Variants in TNXB observed in about 807,000 individuals in gnomAD.
TNXB encodes the protein tenascin XB, also known as tenascin-X.
TNXB carries 183 observed loss-of-function variants against 340.5 expected under a neutral mutation model. That is an observed-to-expected ratio of 0.54 (90% CI 0.48 to 0.61). TNXB has a LOEUF of 0.61. Among genes scored for constraint, TNXB ranks in the 20% least tolerant of loss-of-function variants. The pLI, the probability that TNXB is intolerant of heterozygous loss-of-function variation, is 0.00. For missense variants in TNXB, 4,613 were observed against 5,446.4 expected, an observed-to-expected ratio of 0.85 and a Z score of 4.82; for synonymous variants, 2,121 against 2,314.5, an observed-to-expected ratio of 0.92 and a Z score of 2.40.
intron 1 of TNXB, among the ~76,000 whole-genome samples, chr6:32,107,261 T>A (rs1781029041): frequency 6.6e-6 from 1 of 152,046 alleles, no homozygotes. Flanking sequence ...CCCTGCACAG[T>A]GGGGGAAAGC....
rs368726550 is a variant in TNXB, at chr6:32,096,233, A to G, written c.1620T>C (p.Asp540=). 3.2e-6 allele frequency: 5 copies of G among 1,569,172 alleles called. No homozygotes were observed. In the Middle Eastern group the frequency reaches 5.0e-4, roughly 156 times the overall value. ...AGCCTGCGTCACACACGCACACGCC[A>G]TCCTCGCAAAGGCCGTGCCCACGGC... ...GDCRGHGLCE[D]GVCVCDAGYS... is the part of the protein sequence containing the mutation. Residue 540 remains aspartate (D), a synonymous_variant, in exon 3 of 44, where the codon GAT becomes GAC. Transcript: ENST00000644971.
chr6:32,066,882 C>A (rs1240396270), intron 18 of TNXB, among the ~76,000 whole-genome samples: 1 of 152,052 alleles, frequency 6.6e-6, no homozygotes, highest in African/African-American at 2.4e-5. Context: ...CTGGCCTGGG[C>A]AACATGGCTA....
chr6:32,081,911 TG>T lies in TNXB; in HGVS notation c.3736+124del. Reference sequence around the variant, plus strand: ...GGGGAGTCTGGCTGCCCCTCAGCCCTGGAGTGGGGCCGGGAAGCTGGAGTCA... The same window carrying T: ...GGGGAGTCTGGCTGCCCCTCAGCCCTGAGTGGGGCCGGGAAGCTGGAGTCA... On this transcript the variant is annotated intron_variant, in intron 9 of 43. Transcript: ENST00000644971. The surrounding 1 kb of genome is among the most constrained non-coding windows in gnomAD (Gnocchi z 5.1). 1.0e-6 allele frequency: 1 copy of T among 989,902 alleles called. No individual in the cohort carries two copies. Among genetic ancestry groups the T allele is most frequent in the Non-Finnish European group, 1.5e-6 (1 of 672,748 alleles). 61.3% of individuals were successfully genotyped at this position (989,902 alleles called of 1,614,324 possible). A position where few individuals can be genotyped will look rare whatever the true frequency, so the allele number is the denominator to read the frequency against.
chr6:32,069,868 TG>T lies in TNXB; in HGVS notation c.5279-8del. 6.3e-7 allele frequency: 1 copy of T among 1,579,686 alleles called. No homozygotes were observed. The highest frequency in any genetic ancestry group is 1.4e-5 in the African/African-American group (1 of 73,926). On this transcript the variant is annotated splice_polypyrimidine_tract_variant and splice_region_variant and intron_variant, in intron 14 of 43. Coordinates refer to ENST00000644971, the MANE Select transcript of TNXB (RefSeq NM_001365276.2). The surrounding 1 kb of genome is among the most constrained non-coding windows in gnomAD (Gnocchi z 6.2). ...TCCATAGCACTCCGGGCTTCTGAGA[TG>T]GAGACACGGAGAGGAAACGGCTGAG...
chr6:32,084,759 T>C lies in TNXB; in HGVS notation c.3149-50A>G, dbSNP rs750555307. 4 of 1,462,620 alleles carry C rather than the reference T, an allele frequency of 2.7e-6. No homozygotes were observed. Among genetic ancestry groups the C allele is most frequent in the Non-Finnish European group, 3.6e-6 (4 of 1,098,048 alleles). 90.6% of individuals were successfully genotyped at this position (1,462,620 alleles called of 1,614,324 possible). A position where few individuals can be genotyped will look rare whatever the true frequency, so the allele number is the denominator to read the frequency against. On this transcript the variant is annotated intron_variant, in intron 7 of 43. Coordinates refer to ENST00000644971, the MANE Select transcript of TNXB (RefSeq NM_001365276.2). This position sits in a 1 kb window ranked among gnomAD's most constrained non-coding sequence, Gnocchi z 5.5. Reference sequence around the variant, plus strand: ...AGCATAGTGGACTCAACCGTTCTCTTGTCTGTGTCTCCTTCCCTCTCCCCT... The same window carrying C: ...AGCATAGTGGACTCAACCGTTCTCTCGTCTGTGTCTCCTTCCCTCTCCCCT...
chr6:32,095,556 C>T, intron 3 of TNXB, 55 bp downstream of exon 3: 3 of 1,565,974 alleles, frequency 1.9e-6, no homozygotes, highest in Non-Finnish European at 2.6e-6. Context: ...TTCCCCATGG[C>T]TCCTGTTCAC....
Position 32,070,946 on chromosome 6 carries a change from C to T in TNXB, c.4991-532G>A, listed in dbSNP as rs1225151173. Among the ~76,000 whole-genome samples, 5 of 152,206 alleles carry T rather than the reference C, an allele frequency of 3.3e-5. No homozygotes were observed. The highest frequency in any genetic ancestry group is 1.2e-4 in the African/African-American group (5 of 41,462). The stretch of plus-strand genomic sequence containing the variant: ...ACCGGCTGGCCCGGGAGAACTAAGG[C>T]TCCCACTGGGCCTGGTGAAGGAGCG... On this transcript the variant is annotated intron_variant, in intron 13 of 43. Transcript: ENST00000644971. This position sits in a 1 kb window ranked among gnomAD's most constrained non-coding sequence, Gnocchi z 6.0.
intron 3 of TNXB, 121 bp from the exon 4 acceptor site, chr6:32,095,312 G>A (rs1215415652): frequency 2.5e-6 from 2 of 789,280 alleles, no homozygotes; most frequent in Non-Finnish European, 4.1e-6. Flanking sequence ...CTCTGCTAGT[G>A]GAGAATAGCT....
intron 43 of TNXB, 32 bp from the exon 44 acceptor site, chr6:32,041,482 G>T: frequency 1.7e-6 from 2 of 1,144,316 alleles, no homozygotes; most frequent in Non-Finnish European, 2.6e-6. Context: ...GAGAGTCAAA[G>T]CCGGATGTCC....
Position 32,068,569 on chromosome 6 carries a change from A to G in TNXB, c.6041T>C (p.Phe2014Ser). 2 of 1,613,986 alleles carry G rather than the reference A, an allele frequency of 1.2e-6. No individual in the cohort carries two copies. The highest frequency in any genetic ancestry group is 1.7e-6 in the Non-Finnish European group (2 of 1,179,904). ...SLSWTVPEGQFDHFLVQYRNG... is the reference protein window; with the variant it reads ...SLSWTVPEGQSDHFLVQYRNG... ...CCTGTACTGGACCAGGAAGTGGTCA[A>G]ACTGTCCCTCGGGAACTGTCCAGGA... The change falls in exon 17 of 44, where the codon TTT (phenylalanine) becomes TCT (serine). Residue 2014 changes from phenylalanine (F) to serine (S), a missense_variant. Around this residue, in one of 7 missense-constraint regions of TNXB, gnomAD observed 4,327 missense variants for 4,859.4 expected, o/e 0.89. Coordinates refer to ENST00000644971, the MANE Select transcript of TNXB (RefSeq NM_001365276.2). This position sits in a 1 kb window ranked among gnomAD's most constrained non-coding sequence, Gnocchi z 5.3.
rs1254412805 is a variant in TNXB, at chr6:32,046,136, C to G, written c.10606+39G>C. ...CAGCCCAAATGCACAAGGAAACCCA[C>G]ACAAGCTGGCTTGCTATAGCCAGGC... On this transcript the variant is annotated intron_variant, in intron 31 of 43. Transcript: ENST00000644971. This position sits in a 1 kb window ranked among gnomAD's most constrained non-coding sequence, Gnocchi z 6.9. 6.4e-7 allele frequency: 1 copy of G among 1,559,928 alleles called. No homozygotes were observed. Among genetic ancestry groups the G allele is most frequent in the Non-Finnish European group, 8.7e-7 (1 of 1,148,248 alleles).
rs528975706 is a variant in TNXB at position 32,103,108 on chromosome 6, T to C, written c.-8-4902A>G. Among the ~76,000 whole-genome samples the C allele has an allele frequency of 1.6e-4, 25 of 151,970 alleles. No homozygotes were observed. The East Asian group carries it at 3.3e-3, about 20-fold the overall frequency. On this transcript the variant is annotated intron_variant, in intron 1 of 43. Transcript: ENST00000644971. ...CTCATTGAGCTGCACACTTAAGACTTTGGCATTTTGCTGTATAAAAATTGA... is the reference window on the plus strand; with the variant it reads ...CTCATTGAGCTGCACACTTAAGACTCTGGCATTTTGCTGTATAAAAATTGA...
Position 32,086,129 on chromosome 6 carries a change from G to T in TNXB, c.2780-11C>A, listed in dbSNP as rs1288734664. On this transcript the variant is annotated splice_polypyrimidine_tract_variant and intron_variant, in intron 6 of 43. Transcript: ENST00000644971. ...CCAAGGGTGAGGACCCTGGGAAGGGGCAGGGTGAGAAAAAGAGGAGAGTCC... is the reference window on the plus strand; with the variant it reads ...CCAAGGGTGAGGACCCTGGGAAGGGTCAGGGTGAGAAAAAGAGGAGAGTCC... The T allele has an allele frequency of 6.7e-7, 1 of 1,485,168 alleles. No individual in the cohort carries two copies. Among genetic ancestry groups the T allele is most frequent in the Non-Finnish European group, 9.0e-7 (1 of 1,115,438 alleles). 92.0% of individuals were successfully genotyped at this position (1,485,168 alleles called of 1,614,324 possible). A position where few individuals can be genotyped will look rare whatever the true frequency, so the allele number is the denominator to read the frequency against.
Position 32,081,621 on chromosome 6 carries a change from G to C in TNXB, c.3789C>G (p.Leu1263=). The change falls in exon 10 of 44, where the codon CTC becomes CTG. Residue 1263 remains leucine (L), a synonymous_variant. Transcript: ENST00000644971. This position sits in a 1 kb window ranked among gnomAD's most constrained non-coding sequence, Gnocchi z 5.1. ...PPRPEFLEQP[L]LGELTVTGVT... ...CGCCGGTCACTGTCAGTTCCCCCAG[G>C]AGGGGCTGCTCCAGGAACTCAGGGC... The C allele has an allele frequency of 1.2e-6, 2 of 1,600,240 alleles. No homozygotes were observed. Among genetic ancestry groups the C allele is most frequent in the Non-Finnish European group, 1.7e-6 (2 of 1,174,124 alleles).
rs1411300342 is a variant in TNXB at position 32,098,025 on chromosome 6, C to G, written c.174G>C (p.Gln58His). 1 of 1,607,224 alleles carries G rather than the reference C, an allele frequency of 6.2e-7. No homozygotes were observed. Among genetic ancestry groups the G allele is most frequent in the East Asian group, 2.2e-5 (1 of 44,890 alleles). The change falls in exon 2 of 44, where the codon CAG becomes CAC. Residue 58 changes from glutamine (Q) to histidine (H), a missense_variant. Gln to His is a conservative substitution (Grantham distance 24). Around this residue, in one of 7 missense-constraint regions of TNXB, gnomAD observed 4,327 missense variants for 4,859.4 expected, o/e 0.89. Coordinates refer to ENST00000644971, the MANE Select transcript of TNXB (RefSeq NM_001365276.2). ...VGAGVGSPSS[Q>H]LYEHTVEGGE... is the part of the protein sequence containing the mutation. The stretch of plus-strand genomic sequence containing the variant: ...CTCCTTCCACTGTGTGCTCGTAAAG[C>G]TGAGAAGAGGGGCTTCCCACTCCAG...
chr6:32,091,883 T>C (rs990408175), intron 4 of TNXB, among the ~76,000 whole-genome samples: 1 of 152,196 alleles, frequency 6.6e-6, no homozygotes, highest in East Asian at 1.9e-4. Flanking sequence ...CTCACCCTCA[T>C]TGCTGTTTTT....
intron 1 of TNXB, among the ~76,000 whole-genome samples, chr6:32,104,737 G>A (rs968380532): frequency 1.3e-5 from 2 of 151,992 alleles, no homozygotes; most frequent in Non-Finnish European, 2.9e-5. Flanking sequence ...TGTTGCTCAA[G>A]CAATCCTCCC....
chr6:32,088,530 A>G (rs900725161), intron 6 of TNXB, among the ~76,000 whole-genome samples: 6 of 151,568 alleles, frequency 4.0e-5, no homozygotes, highest in African/African-American at 1.5e-4. Context: ...AGCATCTCCT[A>G]TTCACTTCTC....
rs759066378 is a variant in TNXB, at chr6:32,056,691, C to A, written c.8038G>T (p.Gly2680Trp). The change falls in exon 23 of 44, where the codon GGG (glycine) becomes TGG (tryptophan). Residue 2680 changes from glycine to tryptophan, a missense_variant. Physicochemically the swap from Gly to Trp is radical, Grantham distance 184. Around this residue, in one of 7 missense-constraint regions of TNXB, gnomAD observed 4,327 missense variants for 4,859.4 expected, o/e 0.89. Coordinates refer to ENST00000644971, the MANE Select transcript of TNXB (RefSeq NM_001365276.2). ...GGCTCCAGGCCTGAGATGGTGACCC[C>A]GTCCTCGTGCCCCGGCACCCGCACC... The part of the protein sequence containing the change: ...KAVRVPGHED[G>W]VTISGLEPDH... The A allele has an allele frequency of 6.2e-7, 1 of 1,613,120 alleles. No individual in the cohort carries two copies. Among genetic ancestry groups the A allele is most frequent in the Admixed American group, 1.7e-5 (1 of 60,022 alleles).
Sources: gnomAD v4.1 joint callset for allele counts (sites outside exome capture counted in the v4.1 genomes callset) on GRCh38, gnomAD v4.1.1 for gene constraint, gnomAD v4.1.1 regional missense constraint, Gnocchi (gnomAD v3.1) non-coding constraint, MANE v1.5 for transcripts, NCBI Gene and HGNC (gene_info 2026-07-23, HGNC 2026-07-21) for gene names.